CDADC1: variants seen among roughly 807,000 people sequenced by gnomAD.
CDADC1 encodes dCTP deaminase.
In CDADC1, 39 loss-of-function variants were observed where a neutral mutation model predicts 54.9. That is an observed-to-expected ratio of 0.71 (90% CI 0.55 to 0.93). The LOEUF (loss-of-function observed/expected upper bound fraction) is 0.93, where lower values mean the gene tolerates loss of function less well. Ranked by LOEUF, CDADC1 falls within the 40% of genes least tolerant of loss-of-function variation. The pLI is 0.00. For synonymous variants in CDADC1, 186 were observed against 204.0 expected, an observed-to-expected ratio of 0.91 and a Z score of 0.75; for missense variants, 518 against 618.8, an observed-to-expected ratio of 0.84 and a Z score of 1.73.
At chr13:49,277,458 C>A (rs770280302) in intron 6 of CDADC1, among the ~76,000 whole-genome samples, 4 of 151,742 alleles carry the variant, frequency 2.6e-5, no homozygotes, top group Non-Finnish European at 5.9e-5. Context: ...AAATAAATAA[C>A]TCAGCATGAT....
chr13:49,272,144 T>G (rs527760507), intron 5 of CDADC1, among the ~76,000 whole-genome samples: 2 of 152,322 alleles, frequency 1.3e-5, no homozygotes, highest in Admixed American at 6.5e-5. Context: ...AACATAACAT[T>G]AAAAATATGC....
At chr13:49,280,175 T>C (rs922328952) in intron 7 of CDADC1, among the ~76,000 whole-genome samples, 16 of 152,210 alleles carry the variant, frequency 1.1e-4, no homozygotes, top group Admixed American at 6.5e-4. Flanking sequence ...GGTACTTATT[T>C]AGAAAGCATT....
intron 6 of CDADC1, 72 bp downstream of exon 6, chr13:49,274,412 T>C: frequency 8.2e-7 from 1 of 1,218,588 alleles, no homozygotes; most frequent in Non-Finnish European, 1.2e-6. Flanking sequence ...TTCGGTGCAT[T>C]ACAGGTTACT....
chr13:49,279,695 C>T (rs1311683669), intron 7 of CDADC1, among the ~76,000 whole-genome samples: 4 of 152,106 alleles, frequency 2.6e-5, no homozygotes, highest in African/African-American at 7.2e-5. Context: ...TCCAGGTGAA[C>T]GTAAATAACA....
intron 5 of CDADC1, among the ~76,000 whole-genome samples, chr13:49,274,057 C>CAT (rs1953036011): frequency 6.6e-6 from 1 of 152,138 alleles, no homozygotes. Flanking sequence ...CCTCCACATA[C>CAT]GTATGTGTGA....
chr13:49,281,954 C>T (rs919604150), intron 8 of CDADC1, among the ~76,000 whole-genome samples: 2 of 115,618 alleles, frequency 1.7e-5, no homozygotes, highest in Non-Finnish European at 1.7e-5. Context: ...TCTGGGATTA[C>T]AGGCGCACGC....
Position 49,278,383 on chromosome 13 carries a change from G to C in CDADC1, c.1084G>C (p.Val362Leu). Residue 362 changes from valine (V) to leucine (L), a missense_variant, in exon 7 of 10, where the codon GTA (valine) becomes CTA (leucine). Physicochemically the swap from Val to Leu is conservative, Grantham distance 32 (BLOSUM62 1). Coordinates refer to ENST00000251108, the MANE Select transcript of CDADC1 (RefSeq NM_030911.4). Reference sequence around the variant, plus strand: ...TGATGGAACAGGTGCCATGTACTTTGTAGGATGTGGTTACAATGCTTTTCC... The same window carrying C: ...TGATGGAACAGGTGCCATGTACTTTCTAGGATGTGGTTACAATGCTTTTCC... ...SCDGTGAMYFVGCGYNAFPVG... is the reference protein window; with the variant it reads ...SCDGTGAMYFLGCGYNAFPVG... The C allele has an allele frequency of 6.3e-7, 1 of 1,592,050 alleles. No individual in the cohort carries two copies. The highest frequency in any genetic ancestry group is 8.6e-7 in the Non-Finnish European group (1 of 1,163,664).
intron 9 of CDADC1, among the ~76,000 whole-genome samples, chr13:49,291,169 G>GT (rs1491550723): frequency 1.5e-3 from 47 of 30,834 alleles, no homozygotes; most frequent in Middle Eastern, 0.026. Context: ...TTCAGTTTTT[G>GT]GTTTTTTTTT....
intron 2 of CDADC1, among the ~76,000 whole-genome samples, chr13:49,251,278 C>T (rs894160709): frequency 6.6e-6 from 1 of 151,476 alleles, no homozygotes; most frequent in South Asian, 2.1e-4. Flanking sequence ...CGTGGTGGTG[C>T]GTGCCTGTAG....
At chr13:49,286,975 G>C (rs774694701) in intron 9 of CDADC1, among the ~76,000 whole-genome samples, 10 of 152,212 alleles carry the variant, frequency 6.6e-5, no homozygotes, top group Non-Finnish European at 1.0e-4. Context: ...GGGATCACTT[G>C]AAATCAGGAG....
chr13:49,263,626 C>A (rs1270254054), intron 4 of CDADC1, among the ~76,000 whole-genome samples: 1 of 152,114 alleles, frequency 6.6e-6, no homozygotes, highest in African/African-American at 2.4e-5. Context: ...TAAAATACTC[C>A]TTTTTCAACC....
chr13:49,272,022 A>G (rs1316305219), intron 5 of CDADC1, among the ~76,000 whole-genome samples: 1 of 152,226 alleles, frequency 6.6e-6, no homozygotes, highest in African/African-American at 2.4e-5. Flanking sequence ...AACCAACCTT[A>G]GCTAGGCAGC....
chr13:49,265,970 T>G (rs926076222), intron 4 of CDADC1: 2 of 1,299,532 alleles, frequency 1.5e-6, no homozygotes, highest in African/African-American at 3.0e-5. Context: ...AGAGGGAAGG[T>G]GAAATGCAAC....
rs1447576969 is a variant in CDADC1 at position 49,292,925 on chromosome 13, C to T, written c.*1168C>T. ...TACCAGTTTCTCAGAATTACACGCA[C>T]GACCATCCAAACATTGGCTCCATGC... On this transcript the variant is annotated 3_prime_UTR_variant, in exon 10 of 10. Coordinates refer to ENST00000251108, the MANE Select transcript of CDADC1 (RefSeq NM_030911.4). The T allele has an allele frequency of 1.2e-5, 6 of 496,554 alleles. No homozygotes were observed. Among genetic ancestry groups the T allele is most frequent in the African/African-American group, 4.1e-5 (2 of 49,308 alleles). The allele number at this position is 496,554 out of a possible 1,614,324, so 30.8% of individuals were successfully genotyped here.
chr13:49,282,236 G>GGTTTTTTTTTTTTTTTTTTTT (rs1555315245), intron 8 of CDADC1, among the ~76,000 whole-genome samples: 4 of 94,140 alleles, frequency 4.2e-5, no homozygotes, highest in East Asian at 3.5e-4. Context: ...GTTTTTGTGG[G>GGTTTTTTTTTTTTTTTTTTTT]TTTTTTTTTT....
rs577419399 is a variant in CDADC1, at chr13:49,283,699, G to A, written c.1411-2523G>A. On this transcript the variant is annotated intron_variant, in intron 8 of 9. Transcript: ENST00000251108. ...GGCAGGAAGACTAAGGGGATCTTCAGGGGCAGAGATGGGAAAGGAAGCACC... is the reference window on the plus strand; with the variant it reads ...GGCAGGAAGACTAAGGGGATCTTCAAGGGCAGAGATGGGAAAGGAAGCACC... Among the ~76,000 whole-genome samples the A allele has an allele frequency of 2.2e-3, 341 of 152,152 alleles. 2 individuals carry two copies. Among genetic ancestry groups the A allele is most frequent in the African/African-American group, 7.3e-3 (302 of 41,496 alleles).
In CDADC1 at chr13:49,286,289, AT is replaced by A. The variant is rs527972888; in HGVS notation, c.1471+10del. 2.2e-4 allele frequency: 349 copies of A among 1,604,206 alleles called. 1 individual carries two copies. In the African/African-American group the frequency reaches 4.4e-3, roughly 20 times the overall value. The stretch of plus-strand genomic sequence containing the variant: ...GAGCCTGAAAGGAGAGAAAGTAAGT[AT>A]TTATGTATTGAGGTGAACTTTGTTG... On this transcript the variant is annotated splice_region_variant and intron_variant, in intron 9 of 9. Transcript: ENST00000251108.
chr13:49,248,278 A>T, intron 1 of CDADC1, 159 bp downstream of exon 1: 1 of 621,644 alleles, frequency 1.6e-6, no homozygotes, highest in Non-Finnish European at 2.8e-6. Flanking sequence ...CGCGGTCGCC[A>T]GGACCAATCG....
chr13:49,291,675 C>A lies in CDADC1; in HGVS notation c.1472-9C>A. 6.2e-7 allele frequency: 1 copy of A among 1,612,510 alleles called. No homozygotes were observed. Among genetic ancestry groups the A allele is most frequent in the South Asian group, 1.1e-5 (1 of 90,684 alleles). Reference sequence around the variant, plus strand: ...AGCTGTCCTGACCTAGCGTTATTCTCAATGCTAGATGGTGTGTTGAGACCT... The same window carrying A: ...AGCTGTCCTGACCTAGCGTTATTCTAAATGCTAGATGGTGTGTTGAGACCT... On this transcript the variant is annotated splice_polypyrimidine_tract_variant and intron_variant, in intron 9 of 9. Coordinates refer to ENST00000251108, the MANE Select transcript of CDADC1 (RefSeq NM_030911.4).
Sources: gnomAD v4.1 joint callset for allele counts (sites outside exome capture counted in the v4.1 genomes callset) on GRCh38, gnomAD v4.1.1 for gene constraint, MANE v1.5 for transcripts, NCBI Gene and HGNC (gene_info 2026-07-23, HGNC 2026-07-21) for gene names.